The following ABCF3 variants were observed in gnomAD, a reference collection of about 807,000 sequenced individuals.
ABCF3 encodes the protein ATP-binding cassette sub-family F member 3.
In ABCF3, 62 loss-of-function variants were observed where a neutral mutation model predicts 94.3. The ratio of observed to expected loss-of-function variants is 0.66; its 90% CI spans 0.54 to 0.81. The LOEUF is 0.81. Among genes scored for constraint, ABCF3 ranks in the 40% least tolerant of loss-of-function variants. ABCF3 has a pLI of 0.00. For missense variants in ABCF3, 843 were observed against 925.3 expected (o/e 0.91, Z 1.15); for synonymous variants, 355 against 361.1 (o/e 0.98, Z 0.19).
chr3:184,187,317 G>A (rs1307892623), intron 3 of ABCF3, 80 bp from the exon 4 acceptor site: 1 of 1,523,226 alleles, frequency 6.6e-7, no homozygotes, highest in East Asian at 2.2e-5. Context: ...CTGTGTCTGT[G>A]CCTGGTTCCT....
chr3:184,187,484 G>C, intron 4 of ABCF3, 41 bp downstream of exon 4: 1 of 1,596,462 alleles, frequency 6.3e-7, no homozygotes, highest in Non-Finnish European at 8.6e-7. Flanking sequence ...TCTGTGATGG[G>C]GTTGGGAGTT....
chr3:184,190,541 C>T (rs1715954513), intron 14 of ABCF3: 1 of 166,618 alleles, frequency 6.0e-6, no homozygotes, highest in Admixed American at 5.7e-5. Context: ...CATCATTTTA[C>T]ATTCCTACCA....
At position 184,187,757 on chromosome 3, in the gene ABCF3, C is replaced by T. The variant is rs150861556; in HGVS notation, c.442C>T (p.Pro148Ser). Residue 148 changes from proline to serine, a missense_variant, in exon 5 of 21, where the codon CCT becomes TCT. Physicochemically the swap from Pro to Ser is moderately conservative, Grantham distance 74. Coordinates refer to ENST00000429586, the MANE Select transcript of ABCF3 (RefSeq NM_018358.3). ...GAAGGACACGCTCAAGACCAGCAAC[C>T]CTCTGTGAGTGGGGGAAGCATGGCT... ...SEKDTLKTSN[P>S]LVLEEASASQ... The T allele has an allele frequency of 1.4e-5, 23 of 1,614,138 alleles. No individual in the cohort carries two copies. The East Asian group carries it at 5.1e-4, about 36-fold the overall frequency.
intron 7 of ABCF3, 165 bp downstream of exon 7, chr3:184,188,572 C>G (rs1455151936): frequency 9.3e-7 from 1 of 1,077,146 alleles, no homozygotes; most frequent in African/African-American, 1.6e-5. Flanking sequence ...GTGCCCATTG[C>G]CCTTTCTTGT....
intron 15 of ABCF3, 30 bp from the exon 16 acceptor site, chr3:184,191,093 C>T (rs1207819527): frequency 1.9e-6 from 3 of 1,614,216 alleles, no homozygotes; most frequent in Non-Finnish European, 1.7e-6. Context: ...CTTCCAGCTG[C>T]CCCCACATCC....
Position 184,193,472 on chromosome 3 carries a change from G to T in ABCF3, c.1971+20G>T. On this transcript the variant is annotated intron_variant, in intron 20 of 20. Transcript: ENST00000429586. The surrounding 1 kb of genome is among the most constrained non-coding windows in gnomAD (Gnocchi z 5.2). ...TTCAGGGTGAGTGTGCCTTCACCCT[G>T]ACCACTCCTCCCAGGCCTCGGTGCC... 6.2e-7 allele frequency: 1 copy of T among 1,614,062 alleles called. No homozygotes were observed. The highest frequency in any genetic ancestry group is 1.1e-5 in the South Asian group (1 of 91,044).
chr3:184,192,714 C>T, intron 17 of ABCF3, 25 bp downstream of exon 17: 1 of 1,609,698 alleles, frequency 6.2e-7, no homozygotes, highest in South Asian at 1.1e-5. Context: ...CACCCCTGCC[C>T]CCATGAGCAC....
chr3:184,191,394 G>T, intron 16 of ABCF3, 139 bp downstream of exon 16: 1 of 1,266,126 alleles, frequency 7.9e-7, no homozygotes, highest in Non-Finnish European at 1.1e-6. Context: ...GATTTTGCAG[G>T]ACTTACACTA....
Position 184,190,987 on chromosome 3 carries a change from C to G in ABCF3, c.1392-12C>G. ...AAGTAATAAATCTAGTCTACCTCATCTCTTCTCCCAGGCCTGAGCTGAAGC... is the reference window on the plus strand; with the variant it reads ...AAGTAATAAATCTAGTCTACCTCATGTCTTCTCCCAGGCCTGAGCTGAAGC... On this transcript the variant is annotated splice_polypyrimidine_tract_variant and intron_variant, in intron 14 of 20. Coordinates refer to ENST00000429586, the MANE Select transcript of ABCF3 (RefSeq NM_018358.3). The G allele has an allele frequency of 1.2e-6, 2 of 1,614,046 alleles. No homozygotes were observed. Among genetic ancestry groups the G allele is most frequent in the Non-Finnish European group, 1.7e-6 (2 of 1,179,988 alleles).
At position 184,189,566 on chromosome 3, in the gene ABCF3, T is replaced by A. The variant is rs1464881328; in HGVS notation, c.1123T>A (p.Ser375Thr). 1 of 1,613,740 alleles carries A rather than the reference T, an allele frequency of 6.2e-7. No homozygotes were observed. Among genetic ancestry groups the A allele is most frequent in the African/African-American group, 1.3e-5 (1 of 74,828 alleles). The change falls in exon 13 of 21, where the codon TCC (serine) becomes ACC (threonine). Residue 375 changes from serine (S) to threonine (T), a missense_variant. Transcript: ENST00000429586. ...TCCTGTGACCCCTCAGACGTGGCCC[T>A]CCACCATCCTAGTCGTCTCCCACGA... ...WLENYLQTWP[S>T]TILVVSHDRN...
rs147647724 is a variant in ABCF3, at chr3:184,187,922, T to G, written c.508T>G (p.Ser170Ala). 2.2e-5 allele frequency: 35 copies of G among 1,613,934 alleles called. No homozygotes were observed. In the African/African-American group the frequency reaches 4.1e-4, roughly 19 times the overall value. The part of the protein sequence containing the change: ...GSRKESRLES[S>A]GKNKSYDVRI... Reference sequence around the variant, plus strand: ...CAGAAAGGAGAGTCGGTTGGAATCATCTGGCAAGAACAAATCCTATGATGT... The same window carrying G: ...CAGAAAGGAGAGTCGGTTGGAATCAGCTGGCAAGAACAAATCCTATGATGT... Residue 170 changes from serine (S) to alanine (A), a missense_variant, in exon 6 of 21, where the codon TCT becomes GCT. Transcript: ENST00000429586.
At chr3:184,188,011 GCTTT>G (rs1484883155) in intron 6 of ABCF3, 28 bp downstream of exon 6, 2 of 1,613,516 alleles carry the variant, frequency 1.2e-6, no homozygotes, top group Non-Finnish European at 1.7e-6. Context: ...GCAGGGGTTG[GCTTT>G]CTTTTTCTAA....
intron 7 of ABCF3, 36 bp from the exon 8 acceptor site, chr3:184,188,725 C>T (rs1166181590): frequency 1.2e-6 from 2 of 1,608,290 alleles, no homozygotes; most frequent in Non-Finnish European, 1.7e-6. Flanking sequence ...CTAGACTGCC[C>T]CTGCTTAGGC....
At chr3:184,188,729 C>T (rs200656100) in intron 7 of ABCF3, 32 bp from the exon 8 acceptor site, 31 of 1,610,950 alleles carry the variant, frequency 1.9e-5, no homozygotes, top group Non-Finnish European at 2.5e-5. Context: ...ACTGCCCCTG[C>T]TTAGGCCAAT....
intron 2 of ABCF3, 40 bp downstream of exon 2, chr3:184,186,694 C>T (rs765587745): frequency 3.8e-6 from 6 of 1,589,746 alleles, no homozygotes; most frequent in Middle Eastern, 3.4e-4. Flanking sequence ...GGCGAAGGGA[C>T]GGCGAACGGT....
Position 184,187,665 on chromosome 3 carries a change from C to T in ABCF3, c.350C>T (p.Thr117Ile), listed in dbSNP as rs747647815. The T allele has an allele frequency of 6.2e-7, 1 of 1,614,164 alleles. No individual in the cohort carries two copies. The highest frequency in any genetic ancestry group is 8.5e-7 in the Non-Finnish European group (1 of 1,180,038). ...AAGTCGATGTGTTTGGACCCTTAGA[C>T]AGTGAATGCAAAGAAGTTAGAGAAG... Reference protein sequence around the residue: ...PGLLKREQSSTVNAKKLEKAE... With the variant: ...PGLLKREQSSIVNAKKLEKAE... Residue 117 changes from threonine to isoleucine, a missense_variant and splice_region_variant, in exon 5 of 21, where the codon ACA (threonine) becomes ATA (isoleucine). Thr to Ile is a moderately conservative substitution (Grantham distance 89). Transcript: ENST00000429586.
At position 184,186,669 on chromosome 3, in the gene ABCF3, G is replaced by C. The variant is rs749187013; in HGVS notation, c.221+15G>C. The C allele has an allele frequency of 1.2e-6, 2 of 1,600,128 alleles. No individual in the cohort carries two copies. Among genetic ancestry groups the C allele is most frequent in the Non-Finnish European group, 1.7e-6 (2 of 1,171,034 alleles). ...ACTCTGCGTCTGTATGTGCCAGGGAGTAGGGGTTGATGGGGGCGAAGGGAC... is the reference window on the plus strand; with the variant it reads ...ACTCTGCGTCTGTATGTGCCAGGGACTAGGGGTTGATGGGGGCGAAGGGAC... On this transcript the variant is annotated intron_variant, in intron 2 of 20. Coordinates refer to ENST00000429586, the MANE Select transcript of ABCF3 (RefSeq NM_018358.3).
At position 184,188,174 on chromosome 3, in the gene ABCF3, A is replaced by G; in HGVS notation, c.603A>G (p.Ala201=). The change falls in exon 7 of 21, where the codon GCA becomes GCG. Residue 201 remains alanine (A), a synonymous_variant. Transcript: ENST00000429586. The part of the protein sequence containing the change: ...VLLAGADVNL[A]WGRRYGLVGR... ...TGGCTGGAGCGGATGTGAACCTGGCATGGGGCCGCCGTTACGGGCTGGTGG... is the reference window on the plus strand; with the variant it reads ...TGGCTGGAGCGGATGTGAACCTGGCGTGGGGCCGCCGTTACGGGCTGGTGG... 6.2e-7 allele frequency: 1 copy of G among 1,613,978 alleles called. No individual in the cohort carries two copies.
chr3:184,192,978 G>C, intron 18 of ABCF3, 82 bp downstream of exon 18: 2 of 1,585,966 alleles, frequency 1.3e-6, no homozygotes, highest in East Asian at 4.5e-5. Context: ...GCCTGCCTTG[G>C]GGTGCGTGCA....
Sources: allele counts gnomAD v4.1 joint callset, GRCh38; gene constraint gnomAD v4.1.1; non-coding constraint Gnocchi (gnomAD v3.1); transcripts MANE v1.5; gene names NCBI Gene and HGNC (gene_info 2026-07-23, HGNC 2026-07-21).